The following CCDC171 variants were observed in gnomAD, a reference collection of about 807,000 sequenced individuals.
The protein encoded by CCDC171 is coiled-coil domain-containing protein 171.
In CCDC171, 177 loss-of-function variants were observed where a neutral mutation model predicts 168.2. The observed-to-expected ratio is 1.05, with a 90% CI of 0.93 to 1.19. CCDC171 has a LOEUF of 1.19. Among genes scored for constraint, CCDC171 ranks in the 50% most tolerant of loss-of-function variants. The pLI, the probability that CCDC171 is intolerant of heterozygous loss-of-function variation, is 0.00. For missense variants in CCDC171, 1,991 were observed against 1,539.0 expected (o/e 1.29, Z -4.91); for synonymous variants, 687 against 540.8 (o/e 1.27, Z -3.75).
intron 3 of CCDC171, among the ~76,000 whole-genome samples, chr9:15,986,519 T>A (rs1385674657): frequency 1.3e-5 from 2 of 152,176 alleles, no homozygotes; most frequent in Non-Finnish European, 2.9e-5. Context: ...TATGCGCTCA[T>A]TAAAAACTAA....
chr9:15,945,689 T>A (rs888316573), intron 25 of CCDC171, among the ~76,000 whole-genome samples: 6 of 150,890 alleles, frequency 4.0e-5, no homozygotes, highest in African/African-American at 1.5e-4. Flanking sequence ...TTTTGAGTAG[T>A]GTCTGTTCAT....
intron 3 of CCDC171, among the ~76,000 whole-genome samples, chr9:15,983,936 A>G (rs1831893288): frequency 6.6e-6 from 1 of 151,420 alleles, no homozygotes; most frequent in African/African-American, 2.4e-5. Flanking sequence ...TAAAACAGAA[A>G]CTCTACTAAA....
At chr9:15,665,238 C>G (rs1297474111) in intron 8 of CCDC171, among the ~76,000 whole-genome samples, 2 of 152,128 alleles carry the variant, frequency 1.3e-5, no homozygotes, top group African/African-American at 2.4e-5. Flanking sequence ...ACGATCCTCC[C>G]TCTTTAGCCT....
chr9:15,938,236 C>A (rs1203609384), intron 25 of CCDC171, among the ~76,000 whole-genome samples: 2 of 151,744 alleles, frequency 1.3e-5, no homozygotes, highest in Non-Finnish European at 2.9e-5. Flanking sequence ...GAACCATTAT[C>A]TGTGTGTCCA....
intron 18 of CCDC171, among the ~76,000 whole-genome samples, chr9:15,757,158 C>T (rs1157906816): frequency 6.6e-6 from 1 of 152,174 alleles, no homozygotes; most frequent in East Asian, 1.9e-4. Context: ...GAGGTTGAAA[C>T]AGTTTGGAGG....
chr9:15,995,845 T>G lies in CCDC171; in HGVS notation n.369-24744T>G, dbSNP rs903133694. On this transcript the variant is annotated intron_variant and non_coding_transcript_variant, in intron 3 of 9. Coordinates refer to the CCDC171 transcript ENST00000486641. ...ATCTTTGCTTGTTTCATTATCAACA[T>G]ACCATTAATTGTCATATATTCACTG... Among the ~76,000 whole-genome samples, 10 of 152,260 alleles carry G rather than the reference T, an allele frequency of 6.6e-5. 1 individual carries two copies. Among genetic ancestry groups the G allele is most frequent in the Admixed American group, 1.3e-4 (2 of 15,280 alleles).
chr9:15,788,709 C>T lies in CCDC171; in HGVS notation c.3267+4015C>T, dbSNP rs2058095713. Among the ~76,000 whole-genome samples the T allele has an allele frequency of 2.0e-5, 3 of 151,744 alleles. No homozygotes were observed. The South Asian group carries it at 6.2e-4, about 32-fold the overall frequency. ...GGTCTACAGACACATGCCACCACAC[C>T]CTGCTAATTAAAAAAATTTTTTTGT... On this transcript the variant is annotated intron_variant, in intron 21 of 25. Coordinates refer to ENST00000380701, the MANE Select transcript of CCDC171 (RefSeq NM_173550.4).
chr9:15,743,637 C>T (rs1018597121), intron 16 of CCDC171, among the ~76,000 whole-genome samples: 21 of 152,182 alleles, frequency 1.4e-4, no homozygotes, highest in African/African-American at 5.1e-4. Context: ...CAAAAAGGAG[C>T]AGAGGGCTGC....
intron 16 of CCDC171, among the ~76,000 whole-genome samples, chr9:15,734,168 A>T (rs536702261): frequency 6.6e-6 from 1 of 152,330 alleles, no homozygotes. Context: ...AAGAATGTGT[A>T]ATACCTTAGT....
At position 15,818,844 on chromosome 9, in the gene CCDC171, G is replaced by T. The variant is rs1404392070; in HGVS notation, c.3268-27858G>T. ...TTCAAATTCAGGAAATACAGAGAAC[G>T]CCACAAAAATACTCCTCGAGAAGAG... On this transcript the variant is annotated intron_variant, in intron 21 of 25. Transcript: ENST00000380701. Among the ~76,000 whole-genome samples the T allele has an allele frequency of 1.3e-4, 15 of 116,034 alleles. 6 individuals are homozygous for T. Among genetic ancestry groups the T allele is most frequent in the African/African-American group, 4.9e-4 (15 of 30,724 alleles). 76.1% of individuals were successfully genotyped at this position (116,034 alleles called of 152,430 possible).
chr9:15,657,441 C>G (rs2048024038), intron 8 of CCDC171, among the ~76,000 whole-genome samples: 1 of 152,178 alleles, frequency 6.6e-6, no homozygotes, highest in Non-Finnish European at 1.5e-5. Context: ...CACCCACTGT[C>G]TGTTCTTGTG....
the CCDC171 span, among the ~76,000 whole-genome samples, chr9:16,099,442 G>A: frequency 6.6e-6 from 1 of 152,242 alleles, no homozygotes; most frequent in African/African-American, 2.4e-5. Context: ...TGTGGCAGGT[G>A]AAGAAGCACA....
chr9:15,984,307 G>A (rs1831910422), intron 3 of CCDC171, among the ~76,000 whole-genome samples: 1 of 152,140 alleles, frequency 6.6e-6, no homozygotes, highest in Non-Finnish European at 1.5e-5. Context: ...AAAAGATGAT[G>A]CTAACTTTGT....
rs1263585020 is a variant in CCDC171, at chr9:15,817,932, G to A, written c.3268-28770G>A. On this transcript the variant is annotated intron_variant, in intron 21 of 25. Coordinates refer to ENST00000380701, the MANE Select transcript of CCDC171 (RefSeq NM_173550.4). The stretch of plus-strand genomic sequence containing the variant: ...CCCTGACCCCTGAGTAACCTAGCTG[G>A]GAGGCATCCCCCGGTAGGGGCAGAC... 1.7e-5 allele frequency among the ~76,000 whole-genome samples: 2 copies of A among 117,936 alleles called. 1 individual carries two copies. Among genetic ancestry groups the A allele is most frequent in the Admixed American group, 1.6e-4 (2 of 12,538 alleles). The allele number at this position is 117,936 out of a possible 152,430, so 77.4% of individuals were successfully genotyped here.
At chr9:15,909,054 G>A (rs544613981) in intron 24 of CCDC171, among the ~76,000 whole-genome samples, 3 of 152,276 alleles carry the variant, frequency 2.0e-5, no homozygotes, top group Admixed American at 6.5e-5. Context: ...TCAGAAGTAC[G>A]ACTCCAATTG....
At chr9:16,049,659 A>T (rs1480971206) in intron 1 of CCDC171, among the ~76,000 whole-genome samples, 1 of 152,070 alleles carries the variant, frequency 6.6e-6, no homozygotes, top group African/African-American at 2.4e-5. Flanking sequence ...TGCTTTCTAG[A>T]TTCTGAGGCT....
chr9:15,998,574 C>T (rs1198509725), intron 3 of CCDC171, among the ~76,000 whole-genome samples: 2 of 152,096 alleles, frequency 1.3e-5, no homozygotes, highest in Non-Finnish European at 2.9e-5. Context: ...TCAATATAGT[C>T]GATTTGTCAT....
chr9:15,595,516 T>G (rs1454821363), intron 6 of CCDC171, among the ~76,000 whole-genome samples: 3 of 152,228 alleles, frequency 2.0e-5, no homozygotes, highest in African/African-American at 7.2e-5. Context: ...CCATGGTGTA[T>G]ATGTGCTGCA....
chr9:15,613,968 A>G (rs1237201049), intron 6 of CCDC171, among the ~76,000 whole-genome samples: 3 of 152,250 alleles, frequency 2.0e-5, no homozygotes, highest in Non-Finnish European at 2.9e-5. Context: ...ATGGTCAGCT[A>G]ATGAATGGAC....
Sources: gnomAD v4.1 joint callset for allele counts (sites outside exome capture counted in the v4.1 genomes callset) on GRCh38, gnomAD v4.1.1 for gene constraint, MANE v1.5 for transcripts, NCBI Gene and HGNC (gene_info 2026-07-23, HGNC 2026-07-21) for gene names.